FRMD3: variants seen among roughly 807,000 people sequenced by gnomAD.
The protein encoded by FRMD3 is FERM domain containing 3.
Under a neutral mutation model 70.2 loss-of-function variants are expected in FRMD3, and 33 were observed. That is an observed-to-expected ratio of 0.47 (90% CI 0.36 to 0.63). FRMD3 has a LOEUF of 0.63. Among genes scored for constraint, FRMD3 ranks in the 20% least tolerant of loss-of-function variants. The pLI, the probability that FRMD3 is intolerant of heterozygous loss-of-function variation, is 0.00. For synonymous variants in FRMD3, 279 were observed against 255.9 expected, an observed-to-expected ratio of 1.09 and a Z score of -0.86; for missense variants, 632 against 711.4, an observed-to-expected ratio of 0.89 and a Z score of 1.27.
In FRMD3 at chr9:83,245,265, A is replaced by T. The variant is rs1296320668; in HGVS notation, c.*2653T>A. 5 of 985,326 alleles carry T rather than the reference A, an allele frequency of 5.1e-6. No individual in the cohort carries two copies. The East Asian group carries it at 5.7e-4, about 112-fold the overall frequency. 61.0% of individuals were successfully genotyped at this position (985,326 alleles called of 1,614,324 possible). A position where few individuals can be genotyped will look rare whatever the true frequency, so the allele number is the denominator to read the frequency against. On this transcript the variant is annotated 3_prime_UTR_variant, in exon 14 of 14. Coordinates refer to ENST00000304195, the MANE Select transcript of FRMD3 (RefSeq NM_174938.6). ...CTCACACACTTGCTTTAAACTCTAT[A>T]TCTCACTCTATAATATACTGTCCAT...
chr9:83,496,150 A>T (rs913654581), intron 1 of FRMD3, among the ~76,000 whole-genome samples: 2 of 152,226 alleles, frequency 1.3e-5, no homozygotes, highest in African/African-American at 4.8e-5. Context: ...TATAAGTGAC[A>T]CACAAATTTT....
intron 13 of FRMD3, among the ~76,000 whole-genome samples, chr9:83,273,948 G>C (rs1833706912): frequency 6.6e-6 from 1 of 152,034 alleles, no homozygotes; most frequent in Admixed American, 6.6e-5. Flanking sequence ...CTGCCAAGCA[G>C]CTAGGACTGT....
the FRMD3 span, among the ~76,000 whole-genome samples, chr9:83,550,687 A>AGTGTGTGTGTGTGTGTGTGTGT: frequency 2.2e-5 from 3 of 138,960 alleles, no homozygotes; most frequent in East Asian, 2.2e-4. Flanking sequence ...AGTCCTAGGT[A>AGTGTGTGTGTGTGTGTGTGTGT]GTGTGTGTGT....
chr9:83,495,394 T>G (rs947781510), intron 1 of FRMD3, among the ~76,000 whole-genome samples: 3 of 152,178 alleles, frequency 2.0e-5, no homozygotes, highest in African/African-American at 7.2e-5. Flanking sequence ...AGAGCCAGAC[T>G]GGAGCAGGTT....
intron 1 of FRMD3, among the ~76,000 whole-genome samples, chr9:83,523,322 A>AATAG (rs541002877): frequency 1.3e-5 from 2 of 152,092 alleles, no homozygotes; most frequent in African/African-American, 2.4e-5. Context: ...TAGATGGATG[A>AATAG]ATAGATAGAT....
chr9:83,393,463 AG>A (rs1477481472), intron 1 of FRMD3, among the ~76,000 whole-genome samples: 2 of 152,194 alleles, frequency 1.3e-5, no homozygotes, highest in Non-Finnish European at 2.9e-5. Context: ...GGATGGTTTC[AG>A]GATGATTCAG....
intron 1 of FRMD3, among the ~76,000 whole-genome samples, chr9:83,409,481 G>GACTA (rs891125513): frequency 6.6e-6 from 1 of 152,186 alleles, no homozygotes; most frequent in Non-Finnish European, 1.5e-5. Flanking sequence ...GGGAAACCTT[G>GACTA]ACTAGCTTTT....
chr9:83,302,599 C>T (rs1188143942), intron 10 of FRMD3, among the ~76,000 whole-genome samples: 1 of 152,156 alleles, frequency 6.6e-6, no homozygotes, highest in Non-Finnish European at 1.5e-5. Context: ...CCCTTCCTCC[C>T]TTCCCACCTT....
the FRMD3 span, among the ~76,000 whole-genome samples, chr9:83,582,792 T>G: frequency 1.3e-5 from 2 of 152,330 alleles, no homozygotes; most frequent in African/African-American, 4.8e-5. Flanking sequence ...ATTTATGGTG[T>G]CAGTGACTCT....
At chr9:83,519,289 T>C (rs1006452926) in intron 1 of FRMD3, among the ~76,000 whole-genome samples, 2 of 151,290 alleles carry the variant, frequency 1.3e-5, no homozygotes, top group Non-Finnish European at 2.9e-5. Flanking sequence ...CTTAAACAAA[T>C]AACAAGAAAA....
rs28416246 is a variant in FRMD3 at position 83,272,897 on chromosome 9, C to T, written c.1195+17706G>A. Among the ~76,000 whole-genome samples, 65 of 104,722 alleles carry T rather than the reference C, an allele frequency of 6.2e-4. 1 individual carries two copies. The highest frequency in any genetic ancestry group is 2.3e-3 in the African/African-American group (50 of 21,456). The allele number at this position is 104,722 out of a possible 152,430, so 68.7% of individuals were successfully genotyped here. On this transcript the variant is annotated intron_variant, in intron 13 of 13. Transcript: ENST00000304195. ...CCGTCCGAGAAGTGAGGAGCCCCTC[C>T]GCCCGGCAGCCGCCCCGTCTGAGAA...
the FRMD3 span, among the ~76,000 whole-genome samples, chr9:83,578,334 C>T: frequency 5.3e-5 from 8 of 151,802 alleles, no homozygotes; most frequent in African/African-American, 1.9e-4. Context: ...TTTTATGAGG[C>T]CAGCATTACC....
rs1199096147 is a variant in FRMD3, at chr9:83,247,085, A to T, written c.*833T>A. ...TTCTCCAGCCAAAATATACGGACAG[A>T]ATACAAATGAAAATAACAAGTCCTC... On this transcript the variant is annotated 3_prime_UTR_variant, in exon 14 of 14. Coordinates refer to ENST00000304195, the MANE Select transcript of FRMD3 (RefSeq NM_174938.6). 1.5e-5 allele frequency: 15 copies of T among 985,334 alleles called. No homozygotes were observed. Among genetic ancestry groups the T allele is most frequent in the African/African-American group, 1.7e-5 (1 of 57,244 alleles). 61.0% of individuals were successfully genotyped at this position (985,334 alleles called of 1,614,324 possible).
chr9:83,478,030 C>T (rs1828440222), intron 1 of FRMD3, among the ~76,000 whole-genome samples: 1 of 152,178 alleles, frequency 6.6e-6, no homozygotes, highest in Admixed American at 6.5e-5. Context: ...GAACTAGAGC[C>T]CTACTCATTT....
chr9:83,449,039 G>A (rs1208718715), intron 1 of FRMD3, among the ~76,000 whole-genome samples: 1 of 152,154 alleles, frequency 6.6e-6, no homozygotes, highest in Non-Finnish European at 1.5e-5. Flanking sequence ...ATTGCAGAGG[G>A]CAAGGAGATC....
chr9:83,438,938 G>A (rs1827217769), intron 1 of FRMD3, among the ~76,000 whole-genome samples: 1 of 152,148 alleles, frequency 6.6e-6, no homozygotes, highest in Non-Finnish European at 1.5e-5. Context: ...TCCAGAGAAA[G>A]AAAACCCTTC....
intron 1 of FRMD3, among the ~76,000 whole-genome samples, chr9:83,502,627 G>A (rs556890208): frequency 1.7e-4 from 26 of 152,290 alleles, no homozygotes; most frequent in African/African-American, 6.0e-4. Context: ...ATGGTACCCG[G>A]AAGCTTGCTG....
chr9:83,321,158 C>G, intron 6 of FRMD3, among the ~76,000 whole-genome samples: 1 of 151,960 alleles, frequency 6.6e-6, no homozygotes, highest in East Asian at 1.9e-4. Context: ...TTTGGTTGAT[C>G]TTTTGTAATT....
At chr9:83,567,904 G>A in the FRMD3 span, among the ~76,000 whole-genome samples, 1,270 of 152,194 alleles carry the variant, frequency 8.3e-3, 23 homozygotes, top group African/African-American at 0.029. Flanking sequence ...AACTGTTTCA[G>A]CCTCTGCCTG....
Sources: gnomAD v4.1 joint callset for allele counts (sites outside exome capture counted in the v4.1 genomes callset) on GRCh38, gnomAD v4.1.1 for gene constraint, MANE v1.5 for transcripts, NCBI Gene and HGNC (gene_info 2026-07-23, HGNC 2026-07-21) for gene names.